The following EIF2AK1 variants were observed in gnomAD, a reference collection of about 807,000 sequenced individuals.
EIF2AK1 encodes eukaryotic translation initiation factor 2-alpha kinase 1.
A neutral mutation model predicts 77.9 loss-of-function variants in EIF2AK1; 54 were observed. The observed-to-expected ratio is 0.69, with a 90% CI of 0.56 to 0.87. The LOEUF (loss-of-function observed/expected upper bound fraction) is 0.87. Among genes scored for constraint, EIF2AK1 ranks in the 40% least tolerant of loss-of-function variants. The pLI is 0.00. For synonymous variants in EIF2AK1, 314 were observed against 290.5 expected (o/e 1.08, Z -0.82); for missense variants, 810 against 768.6 (o/e 1.05, Z -0.64).
At chr7:6,055,016 A>G (rs1788709571) in intron 1 of EIF2AK1, among the ~76,000 whole-genome samples, 1 of 152,180 alleles carries the variant, frequency 6.6e-6, no homozygotes, top group South Asian at 2.1e-4. Context: ...TCCTTTGAGA[A>G]GACAGCCAAG....
intron 2 of EIF2AK1, among the ~76,000 whole-genome samples, chr7:6,053,641 G>T (rs540528531): frequency 8.0e-5 from 12 of 150,386 alleles, no homozygotes; most frequent in Non-Finnish European, 1.6e-4. Flanking sequence ...GGGATTACAG[G>T]CGTGAGCCAC....
At position 6,035,329 on chromosome 7, in the gene EIF2AK1, A is replaced by T; in HGVS notation, c.1332+2095T>A. The stretch of plus-strand genomic sequence containing the variant: ...GATACAGATTTTGAAACACGTCCTT[A>T]AGGTAATTGAAGGGTCTTACTTTAA... On this transcript the variant is annotated intron_variant, in intron 11 of 14. Coordinates refer to ENST00000199389, the MANE Select transcript of EIF2AK1 (RefSeq NM_014413.4). This position sits in a 1 kb window ranked among gnomAD's most constrained non-coding sequence, Gnocchi z 5.5. 9.8e-7 allele frequency: 1 copy of T among 1,020,698 alleles called. No individual in the cohort carries two copies. The highest frequency in any genetic ancestry group is 1.4e-6 in the Non-Finnish European group (1 of 709,972). The allele number at this position is 1,020,698 out of a possible 1,614,324, so 63.2% of individuals were successfully genotyped here.
At chr7:6,037,915 G>A (rs964366417) in intron 10 of EIF2AK1, among the ~76,000 whole-genome samples, 1 of 151,396 alleles carries the variant, frequency 6.6e-6, no homozygotes, top group Non-Finnish European at 1.5e-5. Flanking sequence ...TGGTATCCTA[G>A]CCCACAGTGG....
Position 6,035,705 on chromosome 7 carries a change from C to T in EIF2AK1, c.1332+1719G>A, listed in dbSNP as rs1449976922. On this transcript the variant is annotated intron_variant, in intron 11 of 14. Coordinates refer to ENST00000199389, the MANE Select transcript of EIF2AK1 (RefSeq NM_014413.4). This position sits in a 1 kb window ranked among gnomAD's most constrained non-coding sequence, Gnocchi z 5.5. ...TCTCCATTTTGACCCAAAATGGTGCCGATGTCAATGCTATTAATGAAGCCA... is the reference window on the plus strand; with the variant it reads ...TCTCCATTTTGACCCAAAATGGTGCTGATGTCAATGCTATTAATGAAGCCA... The T allele has an allele frequency of 8.4e-6, 13 of 1,550,738 alleles. No individual in the cohort carries two copies. Among genetic ancestry groups the T allele is most frequent in the South Asian group, 5.9e-5 (5 of 84,058 alleles).
chr7:6,024,080 G>C lies in EIF2AK1; in HGVS notation c.*593C>G, dbSNP rs1787665898. The C allele has an allele frequency of 1.5e-6, 2 of 1,301,866 alleles. No individual in the cohort carries two copies. Among genetic ancestry groups the C allele is most frequent in the African/African-American group, 3.0e-5 (2 of 66,416 alleles). The allele number at this position is 1,301,866 out of a possible 1,614,324, so 80.6% of individuals were successfully genotyped here. On this transcript the variant is annotated 3_prime_UTR_variant, in exon 15 of 15. Transcript: ENST00000199389. ...GATCATCTGGGGTGCGGAGTACAAA[G>C]CTTTGCAAGGGTGTGGTTTTGGAAT...
chr7:6,049,137 C>T (rs1380851094), intron 3 of EIF2AK1, among the ~76,000 whole-genome samples: 1 of 152,140 alleles, frequency 6.6e-6, no homozygotes, highest in Non-Finnish European at 1.5e-5. Flanking sequence ...CTGCTTCTGC[C>T]CGTGCCCCCT....
intron 12 of EIF2AK1, 33 bp from the exon 13 acceptor site, chr7:6,028,730 C>A (rs1338768699): frequency 1.3e-6 from 2 of 1,597,590 alleles, no homozygotes; most frequent in East Asian, 4.5e-5. Context: ...TTAAACATTG[C>A]AGTTAGCGCT....
intron 7 of EIF2AK1, among the ~76,000 whole-genome samples, chr7:6,043,620 G>C (rs1788360452): frequency 6.6e-6 from 1 of 151,120 alleles, no homozygotes; most frequent in Non-Finnish European, 1.5e-5. Flanking sequence ...TTAGAGATGG[G>C]GTTTCACCAT....
In EIF2AK1 at chr7:6,033,338, C is replaced by A. The variant is rs144675812; in HGVS notation, c.1332+4086G>T. On this transcript the variant is annotated intron_variant, in intron 11 of 14. Coordinates refer to ENST00000199389, the MANE Select transcript of EIF2AK1 (RefSeq NM_014413.4). This position sits in a 1 kb window ranked among gnomAD's most constrained non-coding sequence, Gnocchi z 4.4. The stretch of plus-strand genomic sequence containing the variant: ...TTTTTTTTCAGTTCATACATTTTTT[C>A]CACTTATGTTTGGACTTGTTCGTTC... Among the ~76,000 whole-genome samples, 1 of 152,130 alleles carries A rather than the reference C, an allele frequency of 6.6e-6. No individual in the cohort carries two copies. Among genetic ancestry groups the A allele is most frequent in the African/African-American group, 2.4e-5 (1 of 41,508 alleles).
Position 6,024,778 on chromosome 7 carries a change from C to A in EIF2AK1, c.1788G>T (p.Lys596Asn). ...CAATTTCTTTTTCTTGCTCTATTATCTTCATCTGTAGGGTGAGGTTAACCT... is the reference window on the plus strand; with the variant it reads ...CAATTTCTTTTTCTTGCTCTATTATATTCATCTGTAGGGTGAGGTTAACCT... The part of the protein sequence containing the change: ...SGNVNLTLQM[K>N]IIEQEKEIAE... The change falls in exon 15 of 15, where the codon AAG becomes AAT. Residue 596 changes from lysine to asparagine, a missense_variant. Coordinates refer to ENST00000199389, the MANE Select transcript of EIF2AK1 (RefSeq NM_014413.4). 1 of 1,574,842 alleles carries A rather than the reference C, an allele frequency of 6.3e-7. No individual in the cohort carries two copies. The highest frequency in any genetic ancestry group is 2.3e-5 in the East Asian group (1 of 43,616).
chr7:6,038,264 T>C (rs1788162287), intron 10 of EIF2AK1, among the ~76,000 whole-genome samples: 1 of 152,044 alleles, frequency 6.6e-6, no homozygotes, highest in Non-Finnish European at 1.5e-5. Context: ...ACCCTGTCTC[T>C]ACAAAATTTT....
chr7:6,038,699 A>G lies in EIF2AK1; in HGVS notation c.1120-28T>C, dbSNP rs374421589. On this transcript the variant is annotated intron_variant, in intron 9 of 14. Coordinates refer to ENST00000199389, the MANE Select transcript of EIF2AK1 (RefSeq NM_014413.4). ...AGGAGAGGACACAGTGATGGCTCCCATCTTTGCACGATTCACTCGCATTAT... is the reference window on the plus strand; with the variant it reads ...AGGAGAGGACACAGTGATGGCTCCCGTCTTTGCACGATTCACTCGCATTAT... 6.4e-5 allele frequency: 99 copies of G among 1,553,822 alleles called. No individual in the cohort carries two copies. The African/African-American group carries it at 1.0e-3, about 16-fold the overall frequency.
At chr7:6,053,967 T>C (rs1248589489) in intron 2 of EIF2AK1, among the ~76,000 whole-genome samples, 1 of 150,686 alleles carries the variant, frequency 6.6e-6, no homozygotes, top group Non-Finnish European at 1.5e-5. Context: ...CCACTGCACC[T>C]GGCCATCTTT....
Position 6,058,173 on chromosome 7 carries a change from G to A in EIF2AK1, c.118+793C>T, listed in dbSNP as rs1357953268. On this transcript the variant is annotated intron_variant, in intron 1 of 14. Transcript: ENST00000199389. ...ATCTATAATCCCAGCATTTTGGAAG[G>A]CCGAGGCGGGAGAATCGCTTGAGGC... is the stretch of plus-strand genomic sequence containing the variant. The A allele has an allele frequency of 6.6e-6, 3 of 455,624 alleles. No homozygotes were observed. The East Asian group carries it at 2.1e-4, about 32-fold the overall frequency. 28.2% of individuals were successfully genotyped at this position (455,624 alleles called of 1,614,324 possible).
intron 1 of EIF2AK1, among the ~76,000 whole-genome samples, chr7:6,055,845 G>A (rs951870148): frequency 6.6e-6 from 1 of 151,080 alleles, no homozygotes; most frequent in Non-Finnish European, 1.5e-5. Flanking sequence ...CAGGCGTGGT[G>A]GCGCATGCCT....
At chr7:6,052,437 C>T (rs1327994323) in intron 2 of EIF2AK1, among the ~76,000 whole-genome samples, 1 of 151,680 alleles carries the variant, frequency 6.6e-6, no homozygotes, top group African/African-American at 2.4e-5. Flanking sequence ...TTGCTTTATT[C>T]AAGAAGCAGT....
chr7:6,054,838 G>T, intron 1 of EIF2AK1, 134 bp from the exon 2 acceptor site: 1 of 927,574 alleles, frequency 1.1e-6, no homozygotes, highest in Non-Finnish European at 1.6e-6. Flanking sequence ...TAGTTATGCT[G>T]AGTTGGGTTA....
At chr7:6,048,115 CCT>C (rs1359576953) in intron 4 of EIF2AK1, 3 of 152,240 alleles carry the variant, frequency 2.0e-5, no homozygotes, top group African/African-American at 4.8e-5. Context: ...GTCAAATTCA[CCT>C]CTCTCAAATG....
At position 6,050,019 on chromosome 7, in the gene EIF2AK1, C is replaced by T; in HGVS notation, c.304G>A (p.Gly102Arg). Residue 102 changes from glycine (G) to arginine (R), a missense_variant, in exon 3 of 15, where the codon GGG becomes AGG. This residue lies in a region of EIF2AK1 where 246 missense variants were observed against 199.0 expected (regional missense o/e 1.24). Coordinates refer to ENST00000199389, the MANE Select transcript of EIF2AK1 (RefSeq NM_014413.4). Reference protein sequence around the residue: ...KLLCQTFIKMGLLSSFTCSDE... With the variant: ...KLLCQTFIKMRLLSSFTCSDE... The stretch of plus-strand genomic sequence containing the variant: ...CTACAAGTGAAAGAAGACAGCAGCC[C>T]CATTTTGATAAACGTCTGGCAAAGT... 1 of 1,610,294 alleles carries T rather than the reference C, an allele frequency of 6.2e-7. No individual in the cohort carries two copies. Among genetic ancestry groups the T allele is most frequent in the South Asian group, 1.1e-5 (1 of 90,134 alleles).
Sources: allele counts gnomAD v4.1 joint callset (sites outside exome capture counted in the v4.1 genomes callset), GRCh38; gene constraint gnomAD v4.1.1; regional missense constraint gnomAD v4.1.1; non-coding constraint Gnocchi (gnomAD v3.1); transcripts MANE v1.5; gene names NCBI Gene and HGNC (gene_info 2026-07-23, HGNC 2026-07-21).